Variants in ADARB2 observed in about 807,000 individuals in gnomAD.
The protein encoded by ADARB2 is inactive double-stranded RNA-specific editase B2.
Under a neutral mutation model 62.2 loss-of-function variants are expected in ADARB2, and 25 were observed. The observed-to-expected ratio is 0.40, with a 90% confidence interval of 0.29 to 0.56. ADARB2 has a LOEUF of 0.56. Ranked by LOEUF, ADARB2 falls within the 20% of genes least tolerant of loss-of-function variation. The pLI, the probability that ADARB2 is intolerant of heterozygous loss-of-function variation, is 0.43. For synonymous variants in ADARB2, 572 were observed against 500.8 expected (o/e 1.14, Z -1.90); for missense variants, 1,071 against 1,077.4 (o/e 0.99, Z 0.08).
chr10:1,243,882 G>T (rs555756392), intron 4 of ADARB2, among the ~76,000 whole-genome samples: 162 of 152,078 alleles, frequency 1.1e-3, no homozygotes, highest in African/African-American at 3.7e-3. Context: ...TCCTGGTCCT[G>T]TTGTCTACCC....
intron 1 of ADARB2, among the ~76,000 whole-genome samples, chr10:1,590,920 G>C (rs1350409008): frequency 6.6e-6 from 1 of 152,172 alleles, no homozygotes; most frequent in East Asian, 1.9e-4. Flanking sequence ...TCAGTAAAAG[G>C]GGAACTGACC....
rs576461674 is a variant in ADARB2, at chr10:1,207,167, C to T, written c.1683-7020G>A. ...TTTGAGACCAGCCTGGCCAACGTGG[C>T]GAAACCCTGTCTCTACTAAAAATAC... is the stretch of plus-strand genomic sequence containing the variant. On this transcript the variant is annotated intron_variant, in intron 7 of 9. Coordinates refer to ENST00000381312, the MANE Select transcript of ADARB2 (RefSeq NM_018702.4). Among the ~76,000 whole-genome samples the T allele has an allele frequency of 1.1e-3, 165 of 152,070 alleles. 1 individual carries two copies. Among genetic ancestry groups the T allele is most frequent in the Middle Eastern group, 3.4e-3 (1 of 294 alleles).
chr10:1,256,167 CAGTGTTGGTTT>C (rs1389336276), intron 4 of ADARB2, among the ~76,000 whole-genome samples: 1 of 152,178 alleles, frequency 6.6e-6, no homozygotes, highest in African/African-American at 2.4e-5. Context: ...ATGCCTGCAC[CAGTGTTGGTTT>C]TTGAACATCC....
At chr10:1,528,160 G>A (rs1415309211) in intron 1 of ADARB2, among the ~76,000 whole-genome samples, 1 of 152,198 alleles carries the variant, frequency 6.6e-6, no homozygotes, top group Non-Finnish European at 1.5e-5. Context: ...GCCAATGGCT[G>A]TGTCTTCGGC....
At chr10:1,694,251 T>C (rs1046432803) in intron 1 of ADARB2, among the ~76,000 whole-genome samples, 1 of 152,262 alleles carries the variant, frequency 6.6e-6, no homozygotes, top group Non-Finnish European at 1.5e-5. Context: ...GCATCACATC[T>C]TGCTGTGAAA....
chr10:1,454,461 T>C (rs550116967), intron 1 of ADARB2, among the ~76,000 whole-genome samples: 12 of 152,320 alleles, frequency 7.9e-5, no homozygotes, highest in Non-Finnish European at 4.4e-5. Flanking sequence ...GACAGATGAA[T>C]GTGCAAAGAA....
At chr10:1,335,220 A>T (rs1831962246) in intron 3 of ADARB2, among the ~76,000 whole-genome samples, 2 of 136,044 alleles carry the variant, frequency 1.5e-5, no homozygotes, top group Non-Finnish European at 1.6e-5. Flanking sequence ...GGATGGAGGG[A>T]GGGAATGATG....
At chr10:1,414,900 T>C (rs1487108900) in intron 1 of ADARB2, among the ~76,000 whole-genome samples, 1 of 151,958 alleles carries the variant, frequency 6.6e-6, no homozygotes, top group African/African-American at 2.4e-5. Context: ...GATAGATGGA[T>C]AAAGGAATGG....
chr10:1,694,804 T>C (rs1834718305), intron 1 of ADARB2, among the ~76,000 whole-genome samples: 1 of 151,948 alleles, frequency 6.6e-6, no homozygotes, highest in Non-Finnish European at 1.5e-5. Flanking sequence ...GGGAGGGTTA[T>C]GGGGTTAGGA....
At chr10:1,707,212 C>T (rs1403369033) in intron 1 of ADARB2, among the ~76,000 whole-genome samples, 2 of 152,264 alleles carry the variant, frequency 1.3e-5, no homozygotes, top group Admixed American at 6.5e-5. Flanking sequence ...CACCGCGGCC[C>T]CGATCTGCCC....
chr10:1,397,986 GGCTTCCTGGGTC>G (rs2131870066), intron 1 of ADARB2, among the ~76,000 whole-genome samples: 1 of 137,672 alleles, frequency 7.3e-6, no homozygotes, highest in Non-Finnish European at 1.6e-5. Context: ...CCCGAGTGCA[GGCTTCCTGGGTC>G]ACCGTCCTCC....
At chr10:1,576,517 C>CGA (rs1196162491) in intron 1 of ADARB2, among the ~76,000 whole-genome samples, 8 of 152,206 alleles carry the variant, frequency 5.3e-5, no homozygotes, top group Non-Finnish European at 1.0e-4. Flanking sequence ...TGGCAGGAGC[C>CGA]GAGAGGACTG....
At chr10:1,706,015 G>A (rs2119146190) in intron 1 of ADARB2, among the ~76,000 whole-genome samples, 1 of 152,256 alleles carries the variant, frequency 6.6e-6, no homozygotes, top group Admixed American at 6.5e-5. Flanking sequence ...CTTTAGCTGA[G>A]GTTCTAGTAC....
At chr10:1,370,860 T>C (rs1832363774) in intron 2 of ADARB2, among the ~76,000 whole-genome samples, 1 of 152,234 alleles carries the variant, frequency 6.6e-6, no homozygotes, top group Admixed American at 6.5e-5. Context: ...TCAGTGTTGT[T>C]AAAATGTCCA....
intron 1 of ADARB2, among the ~76,000 whole-genome samples, chr10:1,499,720 T>C (rs1470805733): frequency 6.6e-6 from 1 of 151,688 alleles, no homozygotes; most frequent in Non-Finnish European, 1.5e-5. Flanking sequence ...CATTCATCAC[T>C]CATATGCATC....
chr10:1,689,799 T>A (rs746608027), intron 1 of ADARB2, among the ~76,000 whole-genome samples: 2 of 152,220 alleles, frequency 1.3e-5, no homozygotes, highest in Non-Finnish European at 2.9e-5. Flanking sequence ...GATGGACTTG[T>A]TGGGCTAGAG....
At chr10:1,590,772 G>A (rs1234139526) in intron 1 of ADARB2, among the ~76,000 whole-genome samples, 2 of 152,206 alleles carry the variant, frequency 1.3e-5, no homozygotes, top group Non-Finnish European at 2.9e-5. Context: ...GCTGGTGTGA[G>A]GTGGACGGTG....
rs17156402 is a variant in ADARB2, at chr10:1,489,464, G to A, written c.101-110304C>T. Among the ~76,000 whole-genome samples the A allele has an allele frequency of 8.5e-3, 1,298 of 152,320 alleles. 19 individuals carry two copies. Among genetic ancestry groups the A allele is most frequent in the African/African-American group, 0.029 (1,210 of 41,566 alleles). ...GTATCCTCTGATCTAACATTTTCCT[G>A]TGAGTCCAGAGGAACAAATACCTTC... On this transcript the variant is annotated intron_variant, in intron 1 of 9. Transcript: ENST00000381312.
chr10:1,286,943 AT>A (rs375859390), intron 3 of ADARB2, among the ~76,000 whole-genome samples: 5 of 152,164 alleles, frequency 3.3e-5, no homozygotes, highest in African/African-American at 1.2e-4. Context: ...CAAACATAAC[AT>A]TTTTTTAGAA....
Sources: gnomAD v4.1 joint callset for allele counts (sites outside exome capture counted in the v4.1 genomes callset) on GRCh38, gnomAD v4.1.1 for gene constraint, MANE v1.5 for transcripts, NCBI Gene and HGNC (gene_info 2026-07-23, HGNC 2026-07-21) for gene names.